The following MAGI1 variants were observed in gnomAD, a reference collection of about 807,000 sequenced individuals.
MAGI1 encodes the protein membrane-associated guanylate kinase, WW and PDZ domain-containing protein 1.
MAGI1 carries 58 observed loss-of-function variants against 139.9 expected under a neutral mutation model. That is an observed-to-expected ratio of 0.41 (90% confidence interval 0.34 to 0.52). MAGI1 has a LOEUF of 0.52. Ranked by LOEUF, MAGI1 falls within the 20% of genes least tolerant of loss-of-function variation. The probability of loss-of-function intolerance (pLI) is 0.12; values close to 1 mark genes in which losing one functional copy is unlikely to be tolerated. For missense variants in MAGI1, 1,874 were observed against 1,901.6 expected (o/e 0.99, Z 0.27); for synonymous variants, 812 against 737.9 (o/e 1.10, Z -1.63).
chr3:65,447,621 G>A (rs1948757004), intron 7 of MAGI1, among the ~76,000 whole-genome samples: 1 of 152,058 alleles, frequency 6.6e-6, no homozygotes, highest in Non-Finnish European at 1.5e-5. Context: ...TGTCCTGCTT[G>A]GCTTTTTTGT....
At chr3:65,803,779 T>C (rs2040666979) in intron 1 of MAGI1, among the ~76,000 whole-genome samples, 1 of 152,148 alleles carries the variant, frequency 6.6e-6, no homozygotes, top group South Asian at 2.1e-4. Context: ...AGCTCCCACT[T>C]ACAAGTGAGA....
intron 1 of MAGI1, among the ~76,000 whole-genome samples, chr3:65,950,763 A>T (rs1488449205): frequency 2.0e-5 from 3 of 152,170 alleles, no homozygotes; most frequent in Non-Finnish European, 4.4e-5. Context: ...CCCTTGAATC[A>T]AATGAAGTCC....
chr3:65,608,272 T>A (rs1004065384), intron 2 of MAGI1, among the ~76,000 whole-genome samples: 2 of 152,036 alleles, frequency 1.3e-5, no homozygotes, highest in Non-Finnish European at 2.9e-5. Flanking sequence ...TGAAACCCAG[T>A]CTGTACTAAA....
intron 2 of MAGI1, among the ~76,000 whole-genome samples, chr3:65,508,577 T>G (rs2077405089): frequency 6.6e-6 from 1 of 152,164 alleles, no homozygotes; most frequent in Non-Finnish European, 1.5e-5. Flanking sequence ...CTTTGCCTTC[T>G]AAGACAGTCA....
In MAGI1 at chr3:66,015,061, G is replaced by A. The variant is rs571423995; in HGVS notation, c.313+22935C>T. Among the ~76,000 whole-genome samples, 244 of 151,478 alleles carry A rather than the reference G, an allele frequency of 1.6e-3. 1 individual carries two copies. Among genetic ancestry groups the A allele is most frequent in the African/African-American group, 5.5e-3 (226 of 41,278 alleles). ...TCCCCTCACCCAGCACCCTCTCCCA[G>A]ACCAGACAGGGTGGCTCATGCCTGT... On this transcript the variant is annotated intron_variant, in intron 1 of 22. Coordinates refer to ENST00000402939, the MANE Select transcript of MAGI1 (RefSeq NM_001033057.2).
chr3:65,812,480 A>ACG (rs2041323611), intron 1 of MAGI1, among the ~76,000 whole-genome samples: 6 of 146,214 alleles, frequency 4.1e-5, no homozygotes, highest in Admixed American at 6.9e-5. Context: ...ACACACACAC[A>ACG]CACACACACA....
Position 65,407,777 on chromosome 3 carries a change from A to G in MAGI1, c.2168-6307T>C, listed in dbSNP as rs76936772. On this transcript the variant is annotated intron_variant, in intron 12 of 22. Transcript: ENST00000402939. ...ATATTCTTATTTTCAGTATTTTCAA[A>G]GATTGCTGGATTTTACACATAATGT... Among the ~76,000 whole-genome samples the G allele has an allele frequency of 2.6e-3, 399 of 152,340 alleles. 1 individual carries two copies. Among genetic ancestry groups the G allele is most frequent in the African/African-American group, 8.8e-3 (368 of 41,596 alleles).
chr3:65,442,752 G>A, intron 8 of MAGI1, 40 bp downstream of exon 8: 2 of 1,434,108 alleles, frequency 1.4e-6, no homozygotes, highest in African/African-American at 1.4e-5. Flanking sequence ...TAATTATAGA[G>A]AGGTATAAAC....
At chr3:65,807,908 A>G (rs1335064663) in intron 1 of MAGI1, among the ~76,000 whole-genome samples, 1 of 152,088 alleles carries the variant, frequency 6.6e-6, no homozygotes, top group Non-Finnish European at 1.5e-5. Flanking sequence ...GTTTTTTCTG[A>G]TGGAGCCAAG....
intron 1 of MAGI1, among the ~76,000 whole-genome samples, chr3:65,851,776 T>C (rs1171446206): frequency 2.6e-5 from 4 of 152,142 alleles, no homozygotes; most frequent in African/African-American, 9.7e-5. Context: ...GGCTAACATG[T>C]ACATACACAT....
chr3:65,757,781 TAAAATA>T (rs1294193259), intron 1 of MAGI1, among the ~76,000 whole-genome samples: 1 of 152,226 alleles, frequency 6.6e-6, no homozygotes, highest in African/African-American at 2.4e-5. Context: ...AAAGAAATCC[TAAAATA>T]AATTATTTGA....
At chr3:65,370,597 T>C (rs553473451) in intron 18 of MAGI1, among the ~76,000 whole-genome samples, 49 of 152,238 alleles carry the variant, frequency 3.2e-4, no homozygotes, top group Non-Finnish European at 5.4e-4. Context: ...CCTTGCATGA[T>C]AATTTTTGGT....
intron 1 of MAGI1, among the ~76,000 whole-genome samples, chr3:65,747,539 G>A (rs1274042312): frequency 2.0e-5 from 3 of 152,124 alleles, no homozygotes; most frequent in African/African-American, 4.8e-5. Flanking sequence ...ATACACATTT[G>A]TAATTTCTCA....
intron 2 of MAGI1, among the ~76,000 whole-genome samples, chr3:65,521,819 C>T (rs956972292): frequency 3.3e-5 from 5 of 152,160 alleles, no homozygotes; most frequent in African/African-American, 1.2e-4. Context: ...AAGAAGCTAC[C>T]ATTTCTCTGC....
chr3:65,454,406 A>C (rs974513977), intron 5 of MAGI1, among the ~76,000 whole-genome samples: 6 of 151,580 alleles, frequency 4.0e-5, no homozygotes, highest in Non-Finnish European at 8.8e-5. Context: ...GGAGAGGGAT[A>C]GCATTGGGAG....
intron 1 of MAGI1, among the ~76,000 whole-genome samples, chr3:66,034,379 C>A (rs1576539149): frequency 6.6e-6 from 1 of 152,152 alleles, no homozygotes; most frequent in African/African-American, 2.4e-5. Context: ...GGAAAAGTTA[C>A]CCAAATTCTC....
At chr3:65,375,987 G>A in intron 17 of MAGI1, 42 bp from the exon 18 acceptor site, 2 of 1,468,992 alleles carry the variant, frequency 1.4e-6, no homozygotes, top group Non-Finnish European at 1.9e-6. Flanking sequence ...AGTTACGTGG[G>A]AATATAGCAA....
At chr3:65,981,004 C>CA (rs1170414823) in intron 1 of MAGI1, among the ~76,000 whole-genome samples, 3 of 151,542 alleles carry the variant, frequency 2.0e-5, no homozygotes, top group Admixed American at 6.6e-5. Context: ...ACTAAAAATC[C>CA]AAAAAAATTA....
chr3:65,430,946 T>A, intron 10 of MAGI1, 65 bp from the exon 11 acceptor site: 2 of 1,461,726 alleles, frequency 1.4e-6, no homozygotes, highest in Non-Finnish European at 1.9e-6. Context: ...TAAACAAGAT[T>A]TGAGACAACA....
Sources: allele counts gnomAD v4.1 joint callset (sites outside exome capture counted in the v4.1 genomes callset), GRCh38; gene constraint gnomAD v4.1.1; transcripts MANE v1.5; gene names NCBI Gene and HGNC (gene_info 2026-07-23, HGNC 2026-07-21).